The following DACH2 variants were observed in gnomAD, a reference collection of about 807,000 sequenced individuals.
The protein encoded by DACH2 is dachshund family transcription factor 2.
DACH2 carries 17 observed loss-of-function variants against 35.8 expected under a neutral mutation model. The ratio of observed to expected loss-of-function variants is 0.48; its 90% confidence interval spans 0.33 to 0.71. DACH2 has a LOEUF of 0.71. DACH2 is among the 30% of genes least tolerant of loss of function. The pLI is 0.02. For missense variants in DACH2, 469 were observed against 472.7 expected, an observed-to-expected ratio of 0.99 and a Z score of 0.07; for synonymous variants, 195 against 177.3, an observed-to-expected ratio of 1.10 and a Z score of -0.79.
chrX:86,625,427 A>G (rs1355366315), intron 3 of DACH2, among the ~76,000 whole-genome samples: 8 of 111,328 alleles, frequency 7.2e-5, no homozygotes, highest in Admixed American at 5.8e-4. Context: ...CTACTGAGCC[A>G]TTATGAAATA....
chrX:86,738,754 T>A (rs998747864), intron 6 of DACH2, among the ~76,000 whole-genome samples: 1 of 112,061 alleles, frequency 8.9e-6, no homozygotes, highest in Non-Finnish European at 1.9e-5. Flanking sequence ...TGCAAAAATA[T>A]TTTATTAAAA....
At chrX:86,531,781 C>T (rs1268018624) in intron 3 of DACH2, among the ~76,000 whole-genome samples, 2 of 112,166 alleles carry the variant, frequency 1.8e-5, no homozygotes, top group African/African-American at 3.2e-5. Flanking sequence ...AGAGGGCCAC[C>T]ATCCTCCAGA....
intron 1 of DACH2, among the ~76,000 whole-genome samples, chrX:86,187,561 G>T (rs2031718148): frequency 9.2e-6 from 1 of 109,216 alleles, no homozygotes; most frequent in African/African-American, 3.3e-5. Flanking sequence ...GGGGGTACAG[G>T]TGTGTGCCAC....
At chrX:86,455,219 G>A (rs2037453514) in intron 2 of DACH2, among the ~76,000 whole-genome samples, 2 of 110,860 alleles carry the variant, frequency 1.8e-5, no homozygotes, top group Admixed American at 9.6e-5. Context: ...GAGGTGCCTG[G>A]AGACCCATTT....
At chrX:86,779,450 T>C (rs1459652648) in intron 7 of DACH2, among the ~76,000 whole-genome samples, 4 of 111,596 alleles carry the variant, frequency 3.6e-5, no homozygotes, top group African/African-American at 9.8e-5. Flanking sequence ...ATAGGCTATT[T>C]TAAGGATTTA....
In DACH2 at chrX:86,194,383, G is replaced by A. The variant is rs140154528; in HGVS notation, c.488+45275G>A. ...GGGGCAAGATGGCCGACTAGATGCAGCCAGTTGAAACAGCTGCCACCAAGG... is the reference window on the plus strand; with the variant it reads ...GGGGCAAGATGGCCGACTAGATGCAACCAGTTGAAACAGCTGCCACCAAGG... On this transcript the variant is annotated intron_variant, in intron 1 of 11. Transcript: ENST00000373125. Among the ~76,000 whole-genome samples, 599 of 111,745 alleles carry A rather than the reference G, an allele frequency of 5.4e-3. 4 individuals are homozygous for A. The highest frequency in any genetic ancestry group is 0.018 in the African/African-American group (540 of 30,780).
chrX:86,430,922 T>C (rs187307538), intron 2 of DACH2, among the ~76,000 whole-genome samples: 1 of 112,043 alleles, frequency 8.9e-6, no homozygotes, highest in East Asian at 2.8e-4. Flanking sequence ...TTTTGTTACC[T>C]AAAAACCTTA....
At chrX:86,777,648 G>A (rs1224391415) in intron 7 of DACH2, among the ~76,000 whole-genome samples, 1 of 110,705 alleles carries the variant, frequency 9.0e-6, no homozygotes, top group Non-Finnish European at 1.9e-5. Flanking sequence ...CATTTAAATA[G>A]CTTAAATAAA....
intron 11 of DACH2, among the ~76,000 whole-genome samples, chrX:86,817,642 TATG>T (rs1327343531): frequency 7.2e-5 from 8 of 111,869 alleles, no homozygotes; most frequent in Non-Finnish European, 1.5e-4. Context: ...GTTTAATTTA[TATG>T]ATACCTTTAG....
chrX:86,547,943 G>C (rs1440346147), intron 3 of DACH2, among the ~76,000 whole-genome samples: 1 of 112,110 alleles, frequency 8.9e-6, no homozygotes, highest in Non-Finnish European at 1.9e-5. Flanking sequence ...CCCAGCAATT[G>C]CTGAGCAGGT....
chrX:86,526,932 G>A (rs1349415371), intron 3 of DACH2, among the ~76,000 whole-genome samples: 4 of 109,768 alleles, frequency 3.6e-5, no homozygotes, highest in African/African-American at 1.3e-4. Context: ...CAACAGAGAA[G>A]AACTATAGTA....
chrX:86,743,115 G>T (rs2041674294), intron 7 of DACH2, among the ~76,000 whole-genome samples: 1 of 111,517 alleles, frequency 9.0e-6, no homozygotes, highest in South Asian at 3.7e-4. Flanking sequence ...GAGGGGAGCT[G>T]CTTCCCTCAA....
intron 3 of DACH2, among the ~76,000 whole-genome samples, chrX:86,632,494 GCA>G (rs3041616): frequency 0.061 from 5,846 of 95,586 alleles, 180 homozygotes; most frequent in East Asian, 0.12. Context: ...TCATACACAT[GCA>G]CACACACACA....
At chrX:86,533,206 T>A (rs1350172058) in intron 3 of DACH2, among the ~76,000 whole-genome samples, 1 of 111,220 alleles carries the variant, frequency 9.0e-6, no homozygotes, top group African/African-American at 3.3e-5. Flanking sequence ...TGTGACATCA[T>A]GCATGGCTAA....
At chrX:86,614,184 G>C (rs1220023952) in intron 3 of DACH2, among the ~76,000 whole-genome samples, 1 of 111,354 alleles carries the variant, frequency 9.0e-6, no homozygotes, top group Admixed American at 9.6e-5. Flanking sequence ...ATATTATCTA[G>C]ACGGATAAGT....
chrX:86,300,666 C>A (rs1411630947), intron 1 of DACH2, among the ~76,000 whole-genome samples: 1 of 110,955 alleles, frequency 9.0e-6, no homozygotes, highest in African/African-American at 3.3e-5. Flanking sequence ...GCACATGTAC[C>A]CTAAAACTTA....
At chrX:86,380,870 C>A (rs2036036717) in intron 2 of DACH2, among the ~76,000 whole-genome samples, 1 of 109,715 alleles carries the variant, frequency 9.1e-6, no homozygotes, top group African/African-American at 3.3e-5. Flanking sequence ...TCATACTATT[C>A]TTTTTAAGTA....
chrX:86,784,825 A>G (rs908264461), intron 7 of DACH2, among the ~76,000 whole-genome samples: 1 of 111,811 alleles, frequency 8.9e-6, no homozygotes, highest in African/African-American at 3.3e-5. Flanking sequence ...TATTCTTTGT[A>G]GCAACATGGA....
In DACH2 at chrX:86,698,519, G is replaced by GTTTTTTTTTTTTTTTTTTT. The variant is rs1378300889; in HGVS notation, c.931+3341_931+3342insTTTTTTTTTTTTTTTTTTT. Among the ~76,000 whole-genome samples the GTTTTTTTTTTTTTTTTTTT allele has an allele frequency of 3.5e-3, 113 of 32,075 alleles. 13 individuals are homozygous for GTTTTTTTTTTTTTTTTTTT. The highest frequency in any genetic ancestry group is 5.4e-3 in the East Asian group (4 of 737). The allele number at this position is 32,075 out of a possible 115,157, so 27.9% of individuals were successfully genotyped here. A position where few individuals can be genotyped will look rare whatever the true frequency, so the allele number is the denominator to read the frequency against. On this transcript the variant is annotated intron_variant, in intron 5 of 11. Transcript: ENST00000373125. The stretch of plus-strand genomic sequence containing the variant: ...TTCTTCTTTTTGTTTTGTTAGTTTT[G>GTTTTTTTTTTTTTTTTTTT]TGTTTTTTTTTTTTTTTTTTTTTTT...
Sources: gnomAD v4.1 joint callset for allele counts (sites outside exome capture counted in the v4.1 genomes callset) on GRCh38, gnomAD v4.1.1 for gene constraint, MANE v1.5 for transcripts, NCBI Gene and HGNC (gene_info 2026-07-23, HGNC 2026-07-21) for gene names.